The following SYNJ1 variants were observed in gnomAD, a reference collection of about 807,000 sequenced individuals.
SYNJ1 encodes polyphosphatidylinositol phosphatase SYNJ1.
A neutral mutation model predicts 168.2 loss-of-function variants in SYNJ1; 78 were observed. That is an observed-to-expected ratio of 0.46 (90% CI 0.39 to 0.56). SYNJ1 has a LOEUF of 0.56. Ranked by LOEUF, SYNJ1 falls within the 20% of genes least tolerant of loss-of-function variation. The pLI is 0.00. For synonymous variants in SYNJ1, 539 were observed against 548.6 expected (o/e 0.98, Z 0.24); for missense variants, 1,303 against 1,597.6 (o/e 0.82, Z 3.14).
chr21:32,641,906 G>A lies in SYNJ1; in HGVS notation c.3578C>T (p.Thr1193Ile), dbSNP rs1308363849. The change falls in exon 29 of 33, where the codon ACA becomes ATA. Residue 1193 changes from threonine to isoleucine, a missense_variant. By Grantham distance (89) the Thr-to-Ile change is moderately conservative. Coordinates refer to ENST00000674351, the MANE Select transcript of SYNJ1 (RefSeq NM_203446.3). Reference protein sequence around the residue: ...LAGPGPAGYSTARPTIPPRAG... With the variant: ...LAGPGPAGYSIARPTIPPRAG... ...CGAGGTTTTACCTACCGGTCTGGCT[G>A]TACTGTATCCAGCAGGTCCTGGGCC... The A allele has an allele frequency of 6.2e-7, 1 of 1,612,202 alleles. No homozygotes were observed. The highest frequency in any genetic ancestry group is 1.3e-5 in the African/African-American group (1 of 74,884).
At chr21:32,691,716 G>C (rs959165938) in intron 6 of SYNJ1, among the ~76,000 whole-genome samples, 1 of 152,028 alleles carries the variant, frequency 6.6e-6, no homozygotes, top group African/African-American at 2.4e-5. Flanking sequence ...AATTCATCTT[G>C]GTATTTATCT....
chr21:32,631,681 G>A lies in SYNJ1; in HGVS notation c.*124C>T, dbSNP rs770180376. On this transcript the variant is annotated 3_prime_UTR_variant, in exon 33 of 33. Transcript: ENST00000674351. ...CTCTTTGGGTCTGGGGTGGGAACAG[G>A]TGACGTTTGAACAGATAGCTGAGCC... 2.5e-6 allele frequency: 4 copies of A among 1,614,228 alleles called. No individual in the cohort carries two copies. In the Admixed American group the frequency reaches 6.7e-5, roughly 27 times the overall value.
intron 11 of SYNJ1, among the ~76,000 whole-genome samples, chr21:32,679,286 A>G (rs1047833466): frequency 1.3e-5 from 2 of 152,202 alleles, no homozygotes; most frequent in Non-Finnish European, 1.5e-5. Context: ...CAAATAGCTT[A>G]CATGAGTTAA....
At chr21:32,642,191 C>A in intron 27 of SYNJ1, 58 bp from the exon 28 acceptor site, 1 of 1,592,770 alleles carries the variant, frequency 6.3e-7, no homozygotes, top group Non-Finnish European at 8.6e-7. Flanking sequence ...AGCAATATTG[C>A]ATAACATCAG....
chr21:32,642,869 A>G (rs930243126), intron 27 of SYNJ1, among the ~76,000 whole-genome samples: 2 of 152,222 alleles, frequency 1.3e-5, no homozygotes, highest in Non-Finnish European at 2.9e-5. Context: ...TACAATTGTT[A>G]TAAGAAATAC....
chr21:32,653,765 A>G (rs2040360822), intron 21 of SYNJ1: 2 of 153,448 alleles, frequency 1.3e-5, no homozygotes, highest in South Asian at 2.1e-4. Context: ...ACCCAGTACT[A>G]TGTATTTTCA....
intron 2 of SYNJ1, among the ~76,000 whole-genome samples, chr21:32,703,720 GTTTTAT>G (rs943595870): frequency 2.4e-4 from 36 of 151,806 alleles, no homozygotes; most frequent in African/African-American, 8.0e-4. Context: ...AGAAAATATA[GTTTTAT>G]TTTTATTTTT....
Position 32,699,910 on chromosome 21 carries a change from C to T in SYNJ1, c.407G>A (p.Gly136Asp), listed in dbSNP as rs771507886. 5.1e-5 allele frequency: 82 copies of T among 1,613,966 alleles called. No individual in the cohort carries two copies. The highest frequency in any genetic ancestry group is 6.7e-5 in the Non-Finnish European group (79 of 1,180,016). ...GNFYFAWSASGISLDLSLNAH... is the reference protein window; with the variant it reads ...GNFYFAWSASDISLDLSLNAH... ...ATTAAGACTCAAATCTAAACTGATG[C>T]CAGATGCAGACCATGCAAAATAAAA... The change falls in exon 4 of 33, where the codon GGC becomes GAC. Residue 136 changes from glycine to aspartate, a missense_variant. Around this residue, in one of 2 missense-constraint regions of SYNJ1, gnomAD observed 920 missense variants for 1,208.8 expected, o/e 0.76. Transcript: ENST00000674351.
intron 5 of SYNJ1, 123 bp from the exon 6 acceptor site, chr21:32,694,434 A>G: frequency 1.4e-6 from 1 of 704,340 alleles, no homozygotes; most frequent in Non-Finnish European, 2.1e-6. Flanking sequence ...ACTCTCATAT[A>G]CAATTGTCCA....
In SYNJ1 at chr21:32,628,998, A is replaced by C. The variant is rs1326953861; in HGVS notation, c.*2807T>G. The C allele has an allele frequency of 6.5e-6, 1 of 152,678 alleles. No homozygotes were observed. Among genetic ancestry groups the C allele is most frequent in the Non-Finnish European group, 1.5e-5 (1 of 68,054 alleles). The allele number at this position is 152,678 out of a possible 1,614,324, so 9.5% of individuals were successfully genotyped here. On this transcript the variant is annotated 3_prime_UTR_variant, in exon 33 of 33. Transcript: ENST00000674351. Reference sequence around the variant, plus strand: ...GCTCTGCTTTTAACAGAACTAGTAAATATTTAATAATACATAGAATAATGG... The same window carrying C: ...GCTCTGCTTTTAACAGAACTAGTAACTATTTAATAATACATAGAATAATGG...
chr21:32,666,864 T>C (rs1256756171), intron 15 of SYNJ1, among the ~76,000 whole-genome samples: 2 of 152,204 alleles, frequency 1.3e-5, no homozygotes, highest in Non-Finnish European at 2.9e-5. Flanking sequence ...TAAGTATTCA[T>C]TAAGATCACA....
intron 8 of SYNJ1, 96 bp from the exon 9 acceptor site, chr21:32,686,013 C>T: frequency 7.6e-7 from 1 of 1,322,172 alleles, no homozygotes; most frequent in Non-Finnish European, 1.0e-6. Context: ...GGCAATAAAT[C>T]TTTTCCCTAA....
intron 32 of SYNJ1, 104 bp from the exon 33 acceptor site, chr21:32,631,905 AT>A: frequency 9.3e-7 from 1 of 1,080,416 alleles, no homozygotes; most frequent in Non-Finnish European, 1.3e-6. Flanking sequence ...AAGCATGTAA[AT>A]TTAGAAACTA....
rs905741954 is a variant in SYNJ1, at chr21:32,727,930, C to A, written c.-23+16G>T. The A allele has an allele frequency of 2.6e-6, 4 of 1,532,330 alleles. No individual in the cohort carries two copies. The highest frequency in any genetic ancestry group is 2.4e-5 in the South Asian group (2 of 83,900). 94.9% of individuals were successfully genotyped at this position (1,532,330 alleles called of 1,614,324 possible). On this transcript the variant is annotated intron_variant, in intron 1 of 32. Coordinates refer to ENST00000674351, the MANE Select transcript of SYNJ1 (RefSeq NM_203446.3). Reference sequence around the variant, plus strand: ...TCTGGCCGCAGCAGCTCCCCGCCCCCCGCCGGCTTGCTCACCTCTTCCTCC... The same window carrying A: ...TCTGGCCGCAGCAGCTCCCCGCCCCACGCCGGCTTGCTCACCTCTTCCTCC...
intron 13 of SYNJ1, 137 bp downstream of exon 13, chr21:32,676,195 T>C (rs2041400506): frequency 3.8e-6 from 2 of 531,608 alleles, no homozygotes; most frequent in East Asian, 6.8e-5. Context: ...TAAAACAAGA[T>C]ATCAATTTAT....
chr21:32,631,200 T>C lies in SYNJ1; in HGVS notation c.*605A>G. 2.5e-6 allele frequency: 4 copies of C among 1,614,224 alleles called. No individual in the cohort carries two copies. Among genetic ancestry groups the C allele is most frequent in the Non-Finnish European group, 2.5e-6 (3 of 1,180,022 alleles). On this transcript the variant is annotated 3_prime_UTR_variant, in exon 33 of 33. Transcript: ENST00000674351. The stretch of plus-strand genomic sequence containing the variant: ...GGAGCCAGAAAATGAACTTGGCTGA[T>C]TACCCAGTAAGTCTGAACAAGCTGA...
chr21:32,718,115 C>T (rs1054432678), intron 2 of SYNJ1, among the ~76,000 whole-genome samples: 5 of 152,146 alleles, frequency 3.3e-5, no homozygotes, highest in African/African-American at 1.2e-4. Context: ...CAGAAGCTCC[C>T]GTTATAGTCC....
At chr21:32,643,775 T>C (rs1360719017) in intron 26 of SYNJ1, among the ~76,000 whole-genome samples, 1 of 152,180 alleles carries the variant, frequency 6.6e-6, no homozygotes, top group Non-Finnish European at 1.5e-5. Flanking sequence ...TTACTCCTTA[T>C]ATCCAGAGCA....
At chr21:32,664,872 C>T in intron 18 of SYNJ1, 41 bp downstream of exon 18, 2 of 1,502,690 alleles carry the variant, frequency 1.3e-6, no homozygotes, top group Non-Finnish European at 1.8e-6. Flanking sequence ...GTTTCACGAC[C>T]CAAAATCTTA....
Sources: gnomAD v4.1 joint callset for allele counts (sites outside exome capture counted in the v4.1 genomes callset) on GRCh38, gnomAD v4.1.1 for gene constraint, gnomAD v4.1.1 regional missense constraint, MANE v1.5 for transcripts, NCBI Gene and HGNC (gene_info 2026-07-23, HGNC 2026-07-21) for gene names.